Variants in ANKRD11 observed in about 807,000 individuals in gnomAD.
ANKRD11 encodes the protein ankyrin repeat domain-containing protein 11.
A neutral mutation model predicts 195.7 loss-of-function variants in ANKRD11; 17 were observed. The ratio of observed to expected loss-of-function variants is 0.09; its 90% CI spans 0.06 to 0.13. The LOEUF is 0.13. ANKRD11 is among the 10% of genes least tolerant of loss of function. The probability of loss-of-function intolerance (pLI) is 1.00; values close to 1 mark genes in which losing one functional copy is unlikely to be tolerated. For synonymous variants in ANKRD11, 1,953 were observed against 1,528.1 expected (o/e 1.28, Z -6.49); for missense variants, 3,735 against 3,566.1 (o/e 1.05, Z -1.21).
chr16:89,440,734 A>G (rs1270947877), intron 1 of ANKRD11, among the ~76,000 whole-genome samples: 1 of 152,238 alleles, frequency 6.6e-6, no homozygotes, highest in African/African-American at 2.4e-5. Flanking sequence ...TGGAGAAGCC[A>G]GAGGACATCC....
chr16:89,346,647 G>A (rs1710053270), intron 2 of ANKRD11, among the ~76,000 whole-genome samples: 1 of 152,152 alleles, frequency 6.6e-6, no homozygotes, highest in South Asian at 2.1e-4. Flanking sequence ...GGATGAGGGA[G>A]GAGGGAAACC....
intron 2 of ANKRD11, among the ~76,000 whole-genome samples, chr16:89,337,426 A>ATTTT (rs763560924): frequency 2.7e-4 from 12 of 43,778 alleles, no homozygotes; most frequent in Admixed American, 5.2e-4. Flanking sequence ...GGTCTAAGCA[A>ATTTT]TTCTTTTTTT....
In ANKRD11 at chr16:89,379,674, C is replaced by T. The variant is rs536757222; in HGVS notation, c.-60+38610G>A. ...GCCTCCCACCTCCAGGTGACTGGGA[C>T]GCGAGCGCCCCAAGCAGCACGGAAG... On this transcript the variant is annotated intron_variant, in intron 2 of 12. Coordinates refer to ENST00000301030, the MANE Select transcript of ANKRD11 (RefSeq NM_013275.6). Among the ~76,000 whole-genome samples, 49 of 152,296 alleles carry T rather than the reference C, an allele frequency of 3.2e-4. No homozygotes were observed. In the South Asian group the frequency reaches 8.9e-3, roughly 28 times the overall value.
intron 2 of ANKRD11, chr16:89,373,156 T>C (rs1215934942): frequency 6.6e-6 from 1 of 152,242 alleles, no homozygotes; most frequent in African/African-American, 2.4e-5. Flanking sequence ...ACAGAAGCAA[T>C]GGAAAAGGCC....
intron 2 of ANKRD11, among the ~76,000 whole-genome samples, chr16:89,322,691 G>C (rs1287353016): frequency 6.6e-6 from 1 of 152,188 alleles, no homozygotes; most frequent in African/African-American, 2.4e-5. Flanking sequence ...GGTGGGGAAG[G>C]GGGAGTGAGG....
intron 12 of ANKRD11, chr16:89,270,229 G>C (rs1209304521): frequency 5.3e-6 from 1 of 188,236 alleles, no homozygotes; most frequent in Non-Finnish European, 1.1e-5. Flanking sequence ...CGGGTGCTTG[G>C]TTCAGGGACC....
intron 2 of ANKRD11, among the ~76,000 whole-genome samples, chr16:89,365,236 T>C (rs1385464834): frequency 3.3e-5 from 5 of 152,246 alleles, no homozygotes; most frequent in Non-Finnish European, 4.4e-5. Context: ...AGCTGGTTTT[T>C]GTAGAAAACC....
At chr16:89,333,853 G>C (rs1300057941) in intron 2 of ANKRD11, among the ~76,000 whole-genome samples, 1 of 152,132 alleles carries the variant, frequency 6.6e-6, no homozygotes. Context: ...GAAAGGGACG[G>C]TATTATTCTG....
chr16:89,383,549 A>G (rs2040757809), intron 2 of ANKRD11, among the ~76,000 whole-genome samples: 1 of 152,258 alleles, frequency 6.6e-6, no homozygotes, highest in Non-Finnish European at 1.5e-5. Flanking sequence ...AAGAGCCATG[A>G]AGTTCCCATG....
At chr16:89,313,503 G>A (rs895635236) in intron 3 of ANKRD11, 117 of 1,289,062 alleles carry the variant, frequency 9.1e-5, no homozygotes, top group Middle Eastern at 6.4e-4. Flanking sequence ...TCAGGTCAGC[G>A]CGGCATCAGG....
rs754486992 is a variant in ANKRD11, at chr16:89,281,566, G to A, written c.4976C>T (p.Pro1659Leu). ...FKDKKLKEST[P>L]IPPAAENKLH... Reference sequence around the variant, plus strand: ...CTTATTTTCCGCGGCAGGTGGAATAGGAGTCGACTCTTTGAGCTTTTTGTC... The same window carrying A: ...CTTATTTTCCGCGGCAGGTGGAATAAGAGTCGACTCTTTGAGCTTTTTGTC... Residue 1659 changes from proline to leucine, a missense_variant, in exon 9 of 13, where the codon CCT becomes CTT. Coordinates refer to ENST00000301030, the MANE Select transcript of ANKRD11 (RefSeq NM_013275.6). The surrounding 1 kb of genome is among the most constrained non-coding windows in gnomAD (Gnocchi z 5.5). 1.1e-5 allele frequency: 17 copies of A among 1,614,098 alleles called. No homozygotes were observed. In the South Asian group the frequency reaches 1.6e-4, roughly 16 times the overall value.
In ANKRD11 at chr16:89,281,036, G is replaced by A. The variant is rs529180532; in HGVS notation, c.5506C>T (p.Pro1836Ser). The A allele has an allele frequency of 1.2e-5, 19 of 1,599,866 alleles. No homozygotes were observed. The highest frequency in any genetic ancestry group is 8.9e-5 in the South Asian group (8 of 89,778). ...GCAAACTTCTCCGCGGGAACCGGGG[G>A]CAGGGGCGCCCTGTCTTCCATCGAG... The part of the protein sequence containing the change: ...PPSMEDRAPL[P>S]PVPAEKFACL... The change falls in exon 9 of 13, where the codon CCC becomes TCC. Residue 1836 changes from proline to serine, a missense_variant. Transcript: ENST00000301030. The surrounding 1 kb of genome is among the most constrained non-coding windows in gnomAD (Gnocchi z 5.5).
At chr16:89,270,704 C>G in intron 12 of ANKRD11, 113 bp downstream of exon 12, 1 of 1,043,484 alleles carries the variant, frequency 9.6e-7, no homozygotes, top group Non-Finnish European at 1.5e-6. Flanking sequence ...CCGCCCATCA[C>G]AGAACTGGGC....
At chr16:89,457,908 A>G (rs2152327411) in intron 1 of ANKRD11, among the ~76,000 whole-genome samples, 1 of 152,298 alleles carries the variant, frequency 6.6e-6, no homozygotes, top group Non-Finnish European at 1.5e-5. Flanking sequence ...ACGCGAACCA[A>G]TACACAATCG....
intron 2 of ANKRD11, among the ~76,000 whole-genome samples, chr16:89,326,783 A>G (rs1436518003): frequency 6.6e-6 from 1 of 152,164 alleles, no homozygotes; most frequent in Non-Finnish European, 1.5e-5. Flanking sequence ...CAACCGGGGC[A>G]TGAAAAAGTG....
intron 1 of ANKRD11, among the ~76,000 whole-genome samples, chr16:89,444,165 T>G (rs574641113): frequency 5.9e-4 from 90 of 152,214 alleles, no homozygotes; most frequent in African/African-American, 2.0e-3. Flanking sequence ...CTAGTAAGAC[T>G]CAAAACAGGT....
chr16:89,475,033 A>C (rs2057210738), intron 1 of ANKRD11, among the ~76,000 whole-genome samples: 1 of 152,154 alleles, frequency 6.6e-6, no homozygotes, highest in Admixed American at 6.5e-5. Flanking sequence ...GAGGACCTCA[A>C]GTAAGGGGGT....
chr16:89,274,618 G>A lies in ANKRD11; in HGVS notation c.7713+196C>T, dbSNP rs1291520448. 3 of 785,664 alleles carry A rather than the reference G, an allele frequency of 3.8e-6. No individual in the cohort carries two copies. The African/African-American group carries it at 5.1e-5, about 13-fold the overall frequency. 48.7% of individuals were successfully genotyped at this position (785,664 alleles called of 1,614,324 possible). A position where few individuals can be genotyped will look rare whatever the true frequency, so the allele number is the denominator to read the frequency against. ...GCCTTGCCCGTGCGGGGAGCTGTCTGCTGTCTGCTGCAGCCTTCTTGGCTC... is the reference window on the plus strand; with the variant it reads ...GCCTTGCCCGTGCGGGGAGCTGTCTACTGTCTGCTGCAGCCTTCTTGGCTC... On this transcript the variant is annotated intron_variant, in intron 11 of 12. Transcript: ENST00000301030.
chr16:89,321,469 A>C (rs1244208118), intron 2 of ANKRD11, among the ~76,000 whole-genome samples: 1 of 89,698 alleles, frequency 1.1e-5, no homozygotes. Flanking sequence ...CGGGGCGGGG[A>C]CTGTGGGGCC....
Sources: gnomAD v4.1 joint callset for allele counts (sites outside exome capture counted in the v4.1 genomes callset) on GRCh38, gnomAD v4.1.1 for gene constraint, Gnocchi (gnomAD v3.1) non-coding constraint, MANE v1.5 for transcripts, NCBI Gene and HGNC (gene_info 2026-07-23, HGNC 2026-07-21) for gene names.